The following CCNK variants were observed in gnomAD, a reference collection of about 807,000 sequenced individuals.
The protein encoded by CCNK is cyclin-K.
Under a neutral mutation model 65.0 loss-of-function variants are expected in CCNK, and 9 were observed. The observed-to-expected ratio is 0.14, with a 90% confidence interval of 0.08 to 0.24. The LOEUF (loss-of-function observed/expected upper bound fraction) is 0.24, where lower values mean the gene tolerates loss of function less well. CCNK is among the 10% of genes least tolerant of loss of function. The pLI is 1.00. For synonymous variants in CCNK, 279 were observed against 270.8 expected (o/e 1.03, Z -0.30); for missense variants, 474 against 720.0 (o/e 0.66, Z 3.91).
At chr14:99,499,660 C>T (rs1461313818) in intron 4 of CCNK, among the ~76,000 whole-genome samples, 1 of 152,084 alleles carries the variant, frequency 6.6e-6, no homozygotes, top group Non-Finnish European at 1.5e-5. Context: ...TAGGTACAGT[C>T]GGCTGTACAG....
chr14:99,482,181 G>C (rs537090273), intron 1 of CCNK, among the ~76,000 whole-genome samples: 1 of 152,338 alleles, frequency 6.6e-6, no homozygotes, highest in Non-Finnish European at 1.5e-5. Context: ...CGGAGCTTTC[G>C]CTAAGTCATC....
rs142910964 is a variant in CCNK at position 99,495,762 on chromosome 14, A to C, written c.411+133A>C. The C allele has an allele frequency of 4.3e-5, 30 of 693,980 alleles. No homozygotes were observed. In the African/African-American group the frequency reaches 4.6e-4, roughly 11 times the overall value. 43.0% of individuals were successfully genotyped at this position (693,980 alleles called of 1,614,324 possible). On this transcript the variant is annotated intron_variant, in intron 4 of 10. Coordinates refer to ENST00000389879, the MANE Select transcript of CCNK (RefSeq NM_001099402.2). The stretch of plus-strand genomic sequence containing the variant: ...GAGTTCCTAAGAGGGCCTTCTGTAG[A>C]AGTTACTTGATGCTTTTGTAAGAAA...
intron 10 of CCNK, chr14:99,507,638 C>T (rs1415270363): frequency 6.4e-6 from 1 of 156,738 alleles, no homozygotes. Context: ...TCCGACCTCT[C>T]ACATCCAGAA....
chr14:99,489,636 T>C (rs1173713244), intron 1 of CCNK, among the ~76,000 whole-genome samples: 2 of 152,266 alleles, frequency 1.3e-5, no homozygotes, highest in Non-Finnish European at 2.9e-5. Context: ...CAGAAATTAC[T>C]TGGAAGTAAG....
intron 3 of CCNK, 52 bp downstream of exon 3, chr14:99,493,647 A>G: frequency 4.8e-6 from 6 of 1,240,506 alleles, no homozygotes; most frequent in Non-Finnish European, 7.0e-6. Flanking sequence ...TTATTTCCAC[A>G]CAGTTTGGTG....
chr14:99,484,409 G>C (rs1674509295), intron 1 of CCNK, among the ~76,000 whole-genome samples: 1 of 152,178 alleles, frequency 6.6e-6, no homozygotes, highest in South Asian at 2.1e-4. Context: ...CTAATATTTA[G>C]GGAGGACTTG....
chr14:99,500,789 A>G lies in CCNK; in HGVS notation c.435A>G (p.Arg145=). The G allele has an allele frequency of 6.4e-7, 1 of 1,563,856 alleles. No homozygotes were observed. The highest frequency in any genetic ancestry group is 8.7e-7 in the Non-Finnish European group (1 of 1,151,946). The change falls in exon 5 of 11, where the codon AGA becomes AGG. Residue 145 remains arginine (R), a synonymous_variant. Coordinates refer to ENST00000389879, the MANE Select transcript of CCNK (RefSeq NM_001099402.2). Reference sequence around the variant, plus strand: ...AGGAGGAAGTAATGGTTCTGGAGAGAATCTTACTGCAGACCATCAAGTTTG... The same window carrying G: ...AGGAGGAAGTAATGGTTCTGGAGAGGATCTTACTGCAGACCATCAAGTTTG... ...DPKEEVMVLE[R]ILLQTIKFDL...
chr14:99,497,817 G>A (rs540331542), intron 4 of CCNK, among the ~76,000 whole-genome samples: 3 of 152,116 alleles, frequency 2.0e-5, no homozygotes, highest in South Asian at 2.1e-4. Flanking sequence ...TGCCAATGTG[G>A]GTAACTCTTT....
chr14:99,488,276 TTA>T (rs900080652), intron 1 of CCNK, among the ~76,000 whole-genome samples: 17 of 150,508 alleles, frequency 1.1e-4, no homozygotes, highest in African/African-American at 4.2e-4. Context: ...TTTCTTTTTT[TTA>T]AAAAAAAAAA....
chr14:99,505,434 C>T (rs950407039), intron 9 of CCNK: 2 of 152,162 alleles, frequency 1.3e-5, no homozygotes, highest in Admixed American at 1.3e-4. Flanking sequence ...GAAAGGAGAA[C>T]GTAAGACATC....
intron 3 of CCNK, chr14:99,494,418 A>G (rs1488729526): frequency 6.6e-6 from 1 of 152,270 alleles, no homozygotes; most frequent in African/African-American, 2.4e-5. Context: ...TTTCGTGAAA[A>G]TGACAGACTT....
chr14:99,493,051 G>GT, intron 2 of CCNK, 177 bp downstream of exon 2: 1 of 642,732 alleles, frequency 1.6e-6, no homozygotes, highest in Non-Finnish European at 2.5e-6. Flanking sequence ...TCATTTTAAA[G>GT]GTGTAGACTT....
At chr14:99,499,513 C>T (rs1406687503) in intron 4 of CCNK, among the ~76,000 whole-genome samples, 1 of 152,198 alleles carries the variant, frequency 6.6e-6, no homozygotes, top group Admixed American at 6.5e-5. Context: ...AAGCCAGTGA[C>T]CTGTGGGTCT....
intron 1 of CCNK, among the ~76,000 whole-genome samples, chr14:99,484,901 C>T (rs959223094): frequency 4.6e-5 from 7 of 152,144 alleles, no homozygotes; most frequent in Admixed American, 3.9e-4. Flanking sequence ...AAGCACATTC[C>T]TGAAAGGTGC....
intron 1 of CCNK, among the ~76,000 whole-genome samples, chr14:99,485,336 T>A (rs2139847420): frequency 6.6e-6 from 1 of 152,248 alleles, no homozygotes; most frequent in South Asian, 2.1e-4. Flanking sequence ...TCTGCCCCTT[T>A]CCCCTCAACA....
chr14:99,500,962 A>T (rs1158500606), intron 5 of CCNK, 91 bp downstream of exon 5: 1 of 828,730 alleles, frequency 1.2e-6, no homozygotes, highest in East Asian at 2.7e-5. Flanking sequence ...CAAAAGCGGA[A>T]AACAAAGTTT....
At chr14:99,502,688 G>C (rs901355751) in intron 7 of CCNK, 31 bp from the exon 8 acceptor site, 4 of 1,598,370 alleles carry the variant, frequency 2.5e-6, no homozygotes, top group African/African-American at 1.3e-5. Context: ...ATACCAATTT[G>C]TGTAAAATGT....
intron 1 of CCNK, 40 bp from the exon 2 acceptor site, chr14:99,492,586 G>C: frequency 9.8e-7 from 1 of 1,019,864 alleles, no homozygotes; most frequent in African/African-American, 1.6e-5. Context: ...CTTATAGTAT[G>C]GAGTATTCCT....
At chr14:99,505,989 C>G (rs1319766726) in intron 9 of CCNK, 2 of 152,434 alleles carry the variant, frequency 1.3e-5, no homozygotes, top group African/African-American at 4.8e-5. Context: ...GGAGGTGGGT[C>G]CCTGAGGTGA....
Sources: gnomAD v4.1 joint callset for allele counts (sites outside exome capture counted in the v4.1 genomes callset) on GRCh38, gnomAD v4.1.1 for gene constraint, MANE v1.5 for transcripts, NCBI Gene and HGNC (gene_info 2026-07-23, HGNC 2026-07-21) for gene names.